Variants in TACC2 observed in about 807,000 individuals in gnomAD.
TACC2 encodes transforming acidic coiled-coil-containing protein 2.
In TACC2, 137 loss-of-function variants were observed where a neutral mutation model predicts 227.3. The observed-to-expected ratio is 0.60, with a 90% confidence interval of 0.52 to 0.69. The LOEUF is 0.69. TACC2 is among the 30% of genes least tolerant of loss of function. The pLI, the probability that TACC2 is intolerant of heterozygous loss-of-function variation, is 0.00. For synonymous variants in TACC2, 1,523 were observed against 1,487.5 expected, an observed-to-expected ratio of 1.02 and a Z score of -0.55; for missense variants, 3,470 against 3,694.4, an observed-to-expected ratio of 0.94 and a Z score of 1.57.
At chr10:122,090,628 A>G (rs1300323869) in intron 5 of TACC2, among the ~76,000 whole-genome samples, 2 of 151,454 alleles carry the variant, frequency 1.3e-5, no homozygotes, top group African/African-American at 4.8e-5. Flanking sequence ...ACCAATTATT[A>G]TTGCGTATTT....
intron 7 of TACC2, among the ~76,000 whole-genome samples, chr10:122,149,785 G>C (rs1388118312): frequency 6.6e-6 from 1 of 152,214 alleles, no homozygotes; most frequent in Non-Finnish European, 1.5e-5. Context: ...GAGGGTCTCC[G>C]GGGATTAGAC....
Position 122,254,074 on chromosome 10 carries a change from T to C in TACC2, c.*18T>C, listed in dbSNP as rs2142019268. On this transcript the variant is annotated 3_prime_UTR_variant, in exon 23 of 23. Coordinates refer to ENST00000369005, the MANE Select transcript of TACC2 (RefSeq NM_206862.4). ...AAAGCTAACTCTGAACCGAATGTTT[T>C]GGACTTAACTGTTGCGTGCAATATG... is the stretch of plus-strand genomic sequence containing the variant. 1.2e-6 allele frequency: 2 copies of C among 1,611,582 alleles called. No individual in the cohort carries two copies. The highest frequency in any genetic ancestry group is 1.3e-5 in the African/African-American group (1 of 75,018).
intron 8 of TACC2, among the ~76,000 whole-genome samples, chr10:122,204,081 A>T (rs911553997): frequency 6.7e-6 from 1 of 148,726 alleles, no homozygotes; most frequent in African/African-American, 2.5e-5. Flanking sequence ...TCAGGCAGGG[A>T]GGTTGCAGTG....
chr10:122,071,279 G>A (rs1199958934), intron 3 of TACC2, among the ~76,000 whole-genome samples: 5 of 152,280 alleles, frequency 3.3e-5, no homozygotes. Flanking sequence ...TTATTGGCAT[G>A]ACTTTATCTA....
At chr10:122,250,809 G>A (rs1213068367) in intron 22 of TACC2, among the ~76,000 whole-genome samples, 1 of 151,978 alleles carries the variant, frequency 6.6e-6, no homozygotes, top group Non-Finnish European at 1.5e-5. Context: ...ATTTCCCTGA[G>A]GTCCATATCT....
At chr10:122,006,483 A>AAATAAATAAATAAAT (rs1955173074) in intron 1 of TACC2, among the ~76,000 whole-genome samples, 3 of 106,476 alleles carry the variant, frequency 2.8e-5, no homozygotes, top group Non-Finnish European at 4.6e-5. Context: ...AATAAATAAA[A>AAATAAATAAATAAAT]AATAGGATGC....
intron 7 of TACC2, among the ~76,000 whole-genome samples, chr10:122,158,722 G>A (rs1297854652): frequency 1.3e-5 from 2 of 152,222 alleles, no homozygotes; most frequent in Non-Finnish European, 2.9e-5. Flanking sequence ...ACCGAAGCTT[G>A]TACTTAAGCC....
chr10:122,224,153 A>G (rs1028465624), intron 11 of TACC2, among the ~76,000 whole-genome samples: 1 of 152,176 alleles, frequency 6.6e-6, no homozygotes, highest in East Asian at 1.9e-4. Context: ...TTGAAAATAG[A>G]TTTGGACCAG....
chr10:122,177,432 G>A (rs1287769201), intron 7 of TACC2, among the ~76,000 whole-genome samples: 1 of 152,150 alleles, frequency 6.6e-6, no homozygotes, highest in Non-Finnish European at 1.5e-5. Context: ...TTGCAGGGAT[G>A]ATGGCATGAA....
chr10:122,123,873 G>T (rs1261445209), intron 5 of TACC2, among the ~76,000 whole-genome samples: 1 of 146,822 alleles, frequency 6.8e-6, no homozygotes, highest in Non-Finnish European at 1.5e-5. Context: ...GAGTGCAGTG[G>T]CACAATCTCG....
At chr10:122,133,406 TCA>T (rs1359024039) in intron 6 of TACC2, among the ~76,000 whole-genome samples, 6 of 152,122 alleles carry the variant, frequency 3.9e-5, no homozygotes, top group Non-Finnish European at 8.8e-5. Flanking sequence ...CAGAATCAGC[TCA>T]GAGTCAGCTC....
Position 122,086,455 on chromosome 10 carries a change from A to G in TACC2, c.3955A>G (p.Thr1319Ala). 1 of 1,613,864 alleles carries G rather than the reference A, an allele frequency of 6.2e-7. No individual in the cohort carries two copies. The highest frequency in any genetic ancestry group is 8.5e-7 in the Non-Finnish European group (1 of 1,180,018). The change falls in exon 4 of 23, where the codon ACT (threonine) becomes GCT (alanine). Residue 1319 changes from threonine (T) to alanine (A), a missense_variant. Thr to Ala is a moderately conservative substitution (Grantham distance 58). Around this residue, in one of 10 missense-constraint regions of TACC2, gnomAD observed 1,924 missense variants for 1,978.3 expected, o/e 0.97. Transcript: ENST00000369005. ...CAGTGGTAGTCCCAAAGCCAGAACC[A>G]CTGAGGGACCAGTGGACTCCATGCC... is the stretch of plus-strand genomic sequence containing the variant. Reference protein sequence around the residue: ...ASSGSPKARTTEGPVDSMPCL... With the variant: ...ASSGSPKARTAEGPVDSMPCL...
At position 122,086,519 on chromosome 10, in the gene TACC2, A is replaced by G. The variant is rs1158239667; in HGVS notation, c.4019A>G (p.Gln1340Arg). 3 of 1,612,640 alleles carry G rather than the reference A, an allele frequency of 1.9e-6. No individual in the cohort carries two copies. The Admixed American group carries it at 5.0e-5, about 27-fold the overall frequency. The change falls in exon 4 of 23, where the codon CAG becomes CGG. Residue 1340 changes from glutamine to arginine, a missense_variant. Transcript: ENST00000369005. ...DRMPLLAKGKQATGEEKAATA... is the reference protein window; with the variant it reads ...DRMPLLAKGKRATGEEKAATA... Reference sequence around the variant, plus strand: ...ATGCCACTTCTGGCCAAGGGCAAGCAGGCAACAGGGGAAGAGAAAGCAGCA... The same window carrying G: ...ATGCCACTTCTGGCCAAGGGCAAGCGGGCAACAGGGGAAGAGAAAGCAGCA...
intron 1 of TACC2, among the ~76,000 whole-genome samples, chr10:121,994,261 C>T (rs1035897654): frequency 3.3e-5 from 5 of 152,208 alleles, no homozygotes; most frequent in African/African-American, 1.2e-4. Context: ...TTACTAGAAG[C>T]ACTGCTAATT....
chr10:122,029,419 C>G (rs967381442), intron 2 of TACC2, among the ~76,000 whole-genome samples: 5 of 152,184 alleles, frequency 3.3e-5, no homozygotes, highest in Non-Finnish European at 7.4e-5. Flanking sequence ...TTGTTGAAGA[C>G]TTTTGTATCT....
chr10:122,129,375 A>G (rs1373570383), intron 5 of TACC2, among the ~76,000 whole-genome samples: 2 of 152,074 alleles, frequency 1.3e-5, no homozygotes, highest in African/African-American at 2.4e-5. Context: ...TTTTTTGAAC[A>G]GCCGCAAACG....
At chr10:122,187,045 A>T (rs1288009628) in intron 7 of TACC2, among the ~76,000 whole-genome samples, 2 of 151,942 alleles carry the variant, frequency 1.3e-5, no homozygotes, top group Non-Finnish European at 2.9e-5. Flanking sequence ...GCTTAGTGTC[A>T]CTCTGCGCTT....
In TACC2 at chr10:122,180,766, C is replaced by T. The variant is rs571211685; in HGVS notation, c.5835-14274C>T. On this transcript the variant is annotated intron_variant, in intron 7 of 22. Transcript: ENST00000369005. The surrounding 1 kb of genome is among the most constrained non-coding windows in gnomAD (Gnocchi z 4.5). The stretch of plus-strand genomic sequence containing the variant: ...TTTTATTTTTTTTGAGACGGAGTCT[C>T]GCTCTGTTGCCGAGGCTGGATGGAG... 4.6e-5 allele frequency among the ~76,000 whole-genome samples: 7 copies of T among 152,148 alleles called. No homozygotes were observed. The highest frequency in any genetic ancestry group is 7.2e-5 in the African/African-American group (3 of 41,524).
rs1225401241 is a variant in TACC2, at chr10:122,141,346, C to A, written c.5700-2226C>A. 1.3e-5 allele frequency among the ~76,000 whole-genome samples: 2 copies of A among 152,096 alleles called. No homozygotes were observed. The highest frequency in any genetic ancestry group is 1.3e-4 in the Admixed American group (2 of 15,282). On this transcript the variant is annotated intron_variant, in intron 6 of 22. Transcript: ENST00000369005. The surrounding 1 kb of genome is among the most constrained non-coding windows in gnomAD (Gnocchi z 4.3). ...CCAACAGGCGGTGGAAGGAGGGGGG[C>A]GCCTTTCTTAAATGAGCTGTTGAGT...
Sources: allele counts gnomAD v4.1 joint callset (sites outside exome capture counted in the v4.1 genomes callset), GRCh38; gene constraint gnomAD v4.1.1; regional missense constraint gnomAD v4.1.1; non-coding constraint Gnocchi (gnomAD v3.1); transcripts MANE v1.5; gene names NCBI Gene and HGNC (gene_info 2026-07-23, HGNC 2026-07-21).